FRMD4A: variants seen among roughly 807,000 people sequenced by gnomAD.
FRMD4A encodes FERM domain containing 4A, also known as FERM domain-containing protein 4A.
Under a neutral mutation model 129.1 loss-of-function variants are expected in FRMD4A, and 29 were observed. The ratio of observed to expected loss-of-function variants is 0.22; its 90% CI spans 0.17 to 0.31. The LOEUF is 0.31. Ranked by LOEUF, FRMD4A falls within the 10% of genes least tolerant of loss-of-function variation. The pLI, the probability that FRMD4A is intolerant of heterozygous loss-of-function variation, is 1.00. For synonymous variants in FRMD4A, 634 were observed against 571.6 expected (o/e 1.11, Z -1.56); for missense variants, 1,272 against 1,375.8 (o/e 0.92, Z 1.19).
intron 24 of FRMD4A, among the ~76,000 whole-genome samples, chr10:13,650,304 G>T (rs769120784): frequency 1.1e-4 from 16 of 152,184 alleles, no homozygotes; most frequent in Non-Finnish European, 1.5e-4. Context: ...CAAGGCCAGA[G>T]GATAGGGGAT....
At chr10:14,018,859 C>T (rs901134758) in intron 2 of FRMD4A, among the ~76,000 whole-genome samples, 1 of 152,142 alleles carries the variant, frequency 6.6e-6, no homozygotes, top group Non-Finnish European at 1.5e-5. Flanking sequence ...TGCAGAGCTT[C>T]TGATGCCTGA....
intron 2 of FRMD4A, among the ~76,000 whole-genome samples, chr10:13,938,491 C>T (rs1003313354): frequency 1.3e-5 from 2 of 152,188 alleles, no homozygotes; most frequent in African/African-American, 4.8e-5. Flanking sequence ...AATCCATCCA[C>T]CTCAACCTCC....
chr10:13,901,999 T>C (rs117845307), intron 2 of FRMD4A, among the ~76,000 whole-genome samples: 90 of 152,308 alleles, frequency 5.9e-4, no homozygotes, highest in Non-Finnish European at 1.2e-3. Context: ...AATAAGAAGA[T>C]AGGCTATTTA....
chr10:14,057,173 A>C (rs1414702884), intron 2 of FRMD4A, among the ~76,000 whole-genome samples: 1 of 152,194 alleles, frequency 6.6e-6, no homozygotes, highest in African/African-American at 2.4e-5. Flanking sequence ...ATGTAATGTA[A>C]TATTGTCAAT....
At chr10:13,776,734 C>T (rs1046548279) in intron 6 of FRMD4A, among the ~76,000 whole-genome samples, 1 of 152,160 alleles carries the variant, frequency 6.6e-6, no homozygotes, top group Non-Finnish European at 1.5e-5. Flanking sequence ...CAGTAGGAAC[C>T]GTTCCCCAAG....
At chr10:13,735,204 G>A (rs56831542) in intron 12 of FRMD4A, among the ~76,000 whole-genome samples, 2,100 of 152,326 alleles carry the variant, frequency 0.014, 84 homozygotes, top group East Asian at 0.11. Context: ...GAATGAATGA[G>A]TGATGGCTGT....
chr10:13,762,567 C>T lies in FRMD4A; in HGVS notation c.441+57G>A, dbSNP rs1219975664. 7.0e-6 allele frequency: 7 copies of T among 1,006,954 alleles called. No homozygotes were observed. In the African/African-American group the frequency reaches 9.6e-5, roughly 14 times the overall value. 62.4% of individuals were successfully genotyped at this position (1,006,954 alleles called of 1,614,324 possible). On this transcript the variant is annotated intron_variant, in intron 7 of 24. Transcript: ENST00000357447. Reference sequence around the variant, plus strand: ...TACTGGCTATGCCTGGTAAGTCTTACTTCCTTTCTTCTGTGTATGGCCGTG... The same window carrying T: ...TACTGGCTATGCCTGGTAAGTCTTATTTCCTTTCTTCTGTGTATGGCCGTG...
At chr10:14,045,391 G>A (rs1833945669) in intron 2 of FRMD4A, among the ~76,000 whole-genome samples, 1 of 152,022 alleles carries the variant, frequency 6.6e-6, no homozygotes, top group Admixed American at 6.6e-5. Flanking sequence ...GCTTTCCCTA[G>A]GTTCAGCAAG....
At chr10:13,925,637 G>T (rs1312835407) in intron 2 of FRMD4A, among the ~76,000 whole-genome samples, 2 of 135,544 alleles carry the variant, frequency 1.5e-5, no homozygotes, top group African/African-American at 5.7e-5. Context: ...AGGCTGGAGT[G>T]CGGTGGCGTG....
intron 3 of FRMD4A, among the ~76,000 whole-genome samples, chr10:13,839,417 C>T (rs2093928076): frequency 6.6e-6 from 1 of 152,170 alleles, no homozygotes; most frequent in Non-Finnish European, 1.5e-5. Flanking sequence ...CTGAGTGATC[C>T]TCCTCTGTGG....
At chr10:14,291,122 T>C (rs3942455) in intron 2 of FRMD4A, among the ~76,000 whole-genome samples, 48,775 of 151,932 alleles carry the variant, frequency 0.32, 8,163 homozygotes, top group Middle Eastern at 0.37. Flanking sequence ...CCTTCCTATT[T>C]TCAATTTTTA....
Position 13,663,557 on chromosome 10 carries a change from G to A in FRMD4A, c.1604-48C>T, listed in dbSNP as rs774095677. The A allele has an allele frequency of 5.5e-5, 52 of 938,824 alleles. 1 individual carries two copies. Among genetic ancestry groups the A allele is most frequent in the African/African-American group, 1.6e-4 (10 of 62,080 alleles). The allele number at this position is 938,824 out of a possible 1,614,324, so 58.2% of individuals were successfully genotyped here. A position where few individuals can be genotyped will look rare whatever the true frequency, so the allele number is the denominator to read the frequency against. On this transcript the variant is annotated intron_variant, in intron 18 of 24. Transcript: ENST00000357447. The stretch of plus-strand genomic sequence containing the variant: ...CCTATGAGTTCAGCACATTCCTTCA[G>A]CAAAGCCCTATCTGTAAAAATAGCA...
At chr10:13,856,456 GC>G (rs2131030283) in intron 3 of FRMD4A, among the ~76,000 whole-genome samples, 1 of 152,210 alleles carries the variant, frequency 6.6e-6, no homozygotes, top group East Asian at 1.9e-4. Context: ...ACTGTTGGGG[GC>G]TCCAGGAAGT....
chr10:13,857,505 C>A (rs2400019), intron 3 of FRMD4A, among the ~76,000 whole-genome samples: 1 of 79,426 alleles, frequency 1.3e-5, no homozygotes, highest in Admixed American at 1.2e-4. Context: ...TTCCTATTTT[C>A]TGTTTCCTAT....
chr10:14,198,008 T>C (rs550632272), intron 2 of FRMD4A, among the ~76,000 whole-genome samples: 1 of 152,278 alleles, frequency 6.6e-6, no homozygotes, highest in Non-Finnish European at 1.5e-5. Flanking sequence ...ACCTGGCCAA[T>C]GTGGTGCTTT....
At chr10:14,234,872 C>G (rs1436056652) in intron 2 of FRMD4A, among the ~76,000 whole-genome samples, 1 of 152,234 alleles carries the variant, frequency 6.6e-6, no homozygotes. Context: ...AGATCAGTTG[C>G]TACTGAGTCT....
intron 6 of FRMD4A, among the ~76,000 whole-genome samples, chr10:13,777,791 A>G (rs1455110603): frequency 1.2e-5 from 1 of 85,964 alleles, no homozygotes; most frequent in African/African-American, 4.5e-5. Context: ...CTTTGGGTCA[A>G]TTTTTTTTTT....
Position 13,660,493 on chromosome 10 carries a change from G to A in FRMD4A, c.1721C>T (p.Pro574Leu). The A allele has an allele frequency of 6.2e-7, 1 of 1,614,128 alleles. No individual in the cohort carries two copies. Among genetic ancestry groups the A allele is most frequent in the African/African-American group, 1.3e-5 (1 of 75,060 alleles). The change falls in exon 20 of 25, where the codon CCT (proline) becomes CTT (leucine). Residue 574 changes from proline to leucine, a missense_variant. By Grantham distance (98) the Pro-to-Leu change is moderately conservative. Transcript: ENST00000357447. ...AGGCCTGTTGTGCGACGGTGGCCGA[G>A]GAGGGAGTCCCTTGTGAGGAGAATG... ...PLHSPHKGLP[P>L]RPPSHNRPPP...
At chr10:13,673,188 T>C (rs2083661635) in intron 16 of FRMD4A, among the ~76,000 whole-genome samples, 1 of 152,188 alleles carries the variant, frequency 6.6e-6, no homozygotes, top group African/African-American at 2.4e-5. Context: ...GCGTATTCTT[T>C]ATAAAAATGT....
Sources: allele counts gnomAD v4.1 joint callset (sites outside exome capture counted in the v4.1 genomes callset), GRCh38; gene constraint gnomAD v4.1.1; transcripts MANE v1.5; gene names NCBI Gene and HGNC (gene_info 2026-07-23, HGNC 2026-07-21).